Variants in ADAMTSL1 observed in about 807,000 individuals in gnomAD.
ADAMTSL1 encodes the protein ADAMTS-like protein 1.
Under a neutral mutation model 201.8 loss-of-function variants are expected in ADAMTSL1, and 126 were observed. The observed-to-expected ratio is 0.62, with a 90% confidence interval of 0.54 to 0.72. ADAMTSL1 has a LOEUF of 0.72. Ranked by LOEUF, ADAMTSL1 falls within the 30% of genes least tolerant of loss-of-function variation. The pLI, the probability that ADAMTSL1 is intolerant of heterozygous loss-of-function variation, is 0.00. For missense variants in ADAMTSL1, 2,679 were observed against 2,277.8 expected (o/e 1.18, Z -3.59); for synonymous variants, 1,121 against 903.4 (o/e 1.24, Z -4.32).
chr9:18,351,021 A>G (rs1262930945), intron 2 of ADAMTSL1, among the ~76,000 whole-genome samples: 1 of 152,184 alleles, frequency 6.6e-6, no homozygotes, highest in East Asian at 1.9e-4. Context: ...CATCTCACAT[A>G]AATGGGATGA....
At chr9:18,394,936 C>G (rs1268620043) in intron 2 of ADAMTSL1, among the ~76,000 whole-genome samples, 1 of 152,180 alleles carries the variant, frequency 6.6e-6, no homozygotes, top group Non-Finnish European at 1.5e-5. Flanking sequence ...GGAGATGTGT[C>G]TGTTGACTTT....
chr9:18,280,316 A>G (rs1445922980), intron 2 of ADAMTSL1, among the ~76,000 whole-genome samples: 4 of 151,588 alleles, frequency 2.6e-5, no homozygotes, highest in Admixed American at 6.6e-5. Flanking sequence ...CTGACCTGGA[A>G]CCTAGGGCCT....
At chr9:18,681,705 G>GGGC (rs1830496554) in intron 11 of ADAMTSL1, 107 bp from the exon 12 acceptor site, 1 of 721,092 alleles carries the variant, frequency 1.4e-6, no homozygotes. Context: ...TGTGGGGGGG[G>GGGC]GGGGCGGGGA....
At chr9:18,328,137 G>A in intron 2 of ADAMTSL1, among the ~76,000 whole-genome samples, 1 of 152,184 alleles carries the variant, frequency 6.6e-6, no homozygotes, top group Middle Eastern at 3.2e-3. Context: ...GAATATCCAG[G>A]AAGAATTGAA....
intron 7 of ADAMTSL1, among the ~76,000 whole-genome samples, chr9:18,644,121 T>G (rs541508642): frequency 2.4e-4 from 36 of 151,944 alleles, no homozygotes; most frequent in Admixed American, 4.6e-4. Context: ...ATATTGGGGG[T>G]TTTTGGTAGG....
chr9:18,193,650 A>G (rs774545008), intron 2 of ADAMTSL1, among the ~76,000 whole-genome samples: 1 of 152,164 alleles, frequency 6.6e-6, no homozygotes, highest in Non-Finnish European at 1.5e-5. Context: ...GAAAAATAGA[A>G]CTACAATTTG....
chr9:18,221,274 A>G (rs1680231012), intron 2 of ADAMTSL1, among the ~76,000 whole-genome samples: 1 of 152,176 alleles, frequency 6.6e-6, no homozygotes, highest in African/African-American at 2.4e-5. Context: ...GACCAAGTGC[A>G]AATTTATTTT....
chr9:18,602,327 C>T (rs754522449), intron 4 of ADAMTSL1, among the ~76,000 whole-genome samples: 1 of 152,222 alleles, frequency 6.6e-6, no homozygotes, highest in Non-Finnish European at 1.5e-5. Flanking sequence ...ACTTCTGCTG[C>T]AAACATGAGC....
At chr9:18,755,603 G>A (rs917348675) in intron 16 of ADAMTSL1, among the ~76,000 whole-genome samples, 2 of 152,048 alleles carry the variant, frequency 1.3e-5, no homozygotes, top group African/African-American at 2.4e-5. Context: ...TCAGTTTTTA[G>A]GGCACAGCCA....
intron 2 of ADAMTSL1, among the ~76,000 whole-genome samples, chr9:18,353,684 A>G (rs1043857791): frequency 6.6e-6 from 1 of 152,240 alleles, no homozygotes; most frequent in South Asian, 2.1e-4. Context: ...AAATTTCTAT[A>G]TTGCTCCACC....
chr9:17,916,351 TGTTTC>T (rs1319520652), intron 1 of ADAMTSL1, among the ~76,000 whole-genome samples: 1 of 152,238 alleles, frequency 6.6e-6, no homozygotes, highest in Middle Eastern at 3.2e-3. Flanking sequence ...TTTATCAAAT[TGTTTC>T]CTGGACAATT....
chr9:18,103,644 C>T (rs1303742046), intron 1 of ADAMTSL1, among the ~76,000 whole-genome samples: 2 of 152,136 alleles, frequency 1.3e-5, no homozygotes, highest in Non-Finnish European at 2.9e-5. Flanking sequence ...AAGTATCTAT[C>T]ATTGTAGGTT....
chr9:18,037,690 A>G (rs570133368), intron 1 of ADAMTSL1, among the ~76,000 whole-genome samples: 2 of 152,172 alleles, frequency 1.3e-5, no homozygotes, highest in Admixed American at 1.3e-4. Flanking sequence ...CCAAATCCTG[A>G]TGCATATAAT....
intron 2 of ADAMTSL1, among the ~76,000 whole-genome samples, chr9:18,214,475 A>G (rs1829993112): frequency 6.6e-6 from 1 of 152,202 alleles, no homozygotes; most frequent in Non-Finnish European, 1.5e-5. Flanking sequence ...ATTGAAATTG[A>G]CCTTAAAGCT....
chr9:18,091,581 CA>C (rs1490946668), intron 1 of ADAMTSL1, among the ~76,000 whole-genome samples: 3 of 152,126 alleles, frequency 2.0e-5, no homozygotes, highest in Admixed American at 2.0e-4. Context: ...ACATTAGAGT[CA>C]GTGACATTTG....
intron 15 of ADAMTSL1, among the ~76,000 whole-genome samples, chr9:18,741,673 C>T (rs1238361255): frequency 6.6e-6 from 1 of 152,178 alleles, no homozygotes; most frequent in Non-Finnish European, 1.5e-5. Flanking sequence ...GGCCATGCTC[C>T]TTCTAAAACT....
chr9:18,140,272 A>C (rs1437315641), intron 1 of ADAMTSL1, among the ~76,000 whole-genome samples: 1 of 152,150 alleles, frequency 6.6e-6, no homozygotes, highest in Non-Finnish European at 1.5e-5. Context: ...CTCTTTGCTG[A>C]TGGCCCCCAA....
At chr9:18,523,011 G>A (rs1476755375) in intron 2 of ADAMTSL1, among the ~76,000 whole-genome samples, 1 of 152,078 alleles carries the variant, frequency 6.6e-6, no homozygotes, top group Non-Finnish European at 1.5e-5. Flanking sequence ...TTGAGGAATC[G>A]CCACACTGTC....
chr9:18,073,538 G>T (rs963743455), intron 1 of ADAMTSL1, among the ~76,000 whole-genome samples: 1 of 152,140 alleles, frequency 6.6e-6, no homozygotes, highest in African/African-American at 2.4e-5. Context: ...TTTGGGTGGG[G>T]TCCATTGTGT....
Sources: gnomAD v4.1 joint callset for allele counts (sites outside exome capture counted in the v4.1 genomes callset) on GRCh38, gnomAD v4.1.1 for gene constraint, MANE v1.5 for transcripts, NCBI Gene and HGNC (gene_info 2026-07-23, HGNC 2026-07-21) for gene names.